RORA: variants seen among roughly 807,000 people sequenced by gnomAD.
RORA encodes RAR related orphan receptor A.
In RORA, 7 loss-of-function variants were observed where a neutral mutation model predicts 69.5. The observed-to-expected ratio is 0.10, with a 90% CI of 0.06 to 0.19. The LOEUF is 0.19. Among genes scored for constraint, RORA ranks in the 10% least tolerant of loss-of-function variants. RORA has a pLI of 1.00. For missense variants in RORA, 457 were observed against 663.0 expected (o/e 0.69, Z 3.41); for synonymous variants, 261 against 240.8 (o/e 1.08, Z -0.78).
At chr15:61,014,639 A>C (rs2140400959) in intron 1 of RORA, among the ~76,000 whole-genome samples, 1 of 152,354 alleles carries the variant, frequency 6.6e-6, no homozygotes, top group East Asian at 1.9e-4. Flanking sequence ...TAGCTGTCTA[A>C]GGCAAAATTA....
intron 1 of RORA, among the ~76,000 whole-genome samples, chr15:60,936,611 A>G (rs1041449678): frequency 5.3e-5 from 8 of 152,324 alleles, no homozygotes; most frequent in Admixed American, 4.6e-4. Flanking sequence ...CCTGAGAGCA[A>G]CTGTGTGCAG....
At chr15:60,870,256 T>C (rs2073540139) in intron 1 of RORA, among the ~76,000 whole-genome samples, 1 of 152,162 alleles carries the variant, frequency 6.6e-6, no homozygotes. Context: ...TAAATAAAGG[T>C]AAATTAAACA....
chr15:61,205,668 A>T (rs535736850), intron 1 of RORA, among the ~76,000 whole-genome samples: 67 of 152,344 alleles, frequency 4.4e-4, no homozygotes, highest in African/African-American at 1.5e-3. Context: ...AGGAACAGCC[A>T]GAGGGCAAGA....
chr15:60,987,871 T>C (rs1052111277), intron 1 of RORA, among the ~76,000 whole-genome samples: 4 of 152,222 alleles, frequency 2.6e-5, no homozygotes, highest in Non-Finnish European at 5.9e-5. Flanking sequence ...AGCTAGCAAC[T>C]GGCACTCTGA....
chr15:61,013,182 T>C (rs1895145832), intron 1 of RORA, among the ~76,000 whole-genome samples: 1 of 152,234 alleles, frequency 6.6e-6, no homozygotes, highest in South Asian at 2.1e-4. Flanking sequence ...TTTTCTCATC[T>C]GAATAATGGA....
chr15:61,099,614 A>G (rs954658197), intron 1 of RORA, among the ~76,000 whole-genome samples: 3 of 152,186 alleles, frequency 2.0e-5, no homozygotes, highest in Non-Finnish European at 4.4e-5. Context: ...AACACACGCA[A>G]CGCATACCTC....
chr15:61,216,496 ATTT>A (rs3835089), intron 1 of RORA, among the ~76,000 whole-genome samples: 3 of 151,950 alleles, frequency 2.0e-5, no homozygotes, highest in African/African-American at 7.2e-5. Flanking sequence ...CTCCGATGTG[ATTT>A]TTTTTTTTGG....
chr15:61,180,143 CAAA>C (rs71456351), intron 1 of RORA, among the ~76,000 whole-genome samples: 5 of 36,682 alleles, frequency 1.4e-4, no homozygotes, highest in Non-Finnish European at 2.1e-4. Flanking sequence ...GACTCCATCT[CAAA>C]AAAAAAAAAA....
At chr15:61,094,472 G>A (rs2078759971) in intron 1 of RORA, among the ~76,000 whole-genome samples, 1 of 152,160 alleles carries the variant, frequency 6.6e-6, no homozygotes, top group Non-Finnish European at 1.5e-5. Context: ...GCTCAGCCCT[G>A]CTCCAGCCGT....
At chr15:60,708,879 G>A (rs1305727864) in intron 1 of RORA, among the ~76,000 whole-genome samples, 1 of 152,192 alleles carries the variant, frequency 6.6e-6, no homozygotes, top group Non-Finnish European at 1.5e-5. Flanking sequence ...AACAAATACT[G>A]ATGATAAGGT....
chr15:60,837,880 T>C (rs2073139242), intron 1 of RORA, among the ~76,000 whole-genome samples: 1 of 152,174 alleles, frequency 6.6e-6, no homozygotes. Context: ...GCATTTGGCA[T>C]GTGAAGGTAC....
At chr15:60,736,327 T>G (rs78444238) in intron 1 of RORA, among the ~76,000 whole-genome samples, 3,293 of 152,240 alleles carry the variant, frequency 0.022, 137 homozygotes, top group African/African-American at 0.076. Flanking sequence ...TCAGAGTTAT[T>G]AAGGAAAATA....
intron 1 of RORA, among the ~76,000 whole-genome samples, chr15:60,733,954 G>GAGAA (rs2071465441): frequency 6.9e-6 from 1 of 143,958 alleles, no homozygotes; most frequent in Non-Finnish European, 1.5e-5. Context: ...GAGAGAGAGA[G>GAGAA]AAAGAGAAAG....
At chr15:61,172,722 C>T (rs2079596386) in intron 1 of RORA, among the ~76,000 whole-genome samples, 1 of 152,144 alleles carries the variant, frequency 6.6e-6, no homozygotes, top group African/African-American at 2.4e-5. Flanking sequence ...TTTGATTCTT[C>T]TCCTGGAAAG....
chr15:61,077,359 G>A (rs1762228807), intron 1 of RORA, among the ~76,000 whole-genome samples: 1 of 152,144 alleles, frequency 6.6e-6, no homozygotes, highest in African/African-American at 2.4e-5. Context: ...TAGGGGAACT[G>A]AAGAATTGTG....
intron 1 of RORA, among the ~76,000 whole-genome samples, chr15:60,886,002 T>G (rs2140452605): frequency 6.6e-6 from 1 of 152,350 alleles, no homozygotes; most frequent in South Asian, 2.1e-4. Context: ...TCACTCTGAC[T>G]TTTCCTAGGG....
chr15:61,112,296 G>A (rs963513346), intron 1 of RORA, among the ~76,000 whole-genome samples: 4 of 152,132 alleles, frequency 2.6e-5, no homozygotes, highest in Admixed American at 2.6e-4. Context: ...GGACTGGGGG[G>A]CATGGGGCCA....
chr15:60,547,902 C>G (rs560688138), intron 2 of RORA: 2 of 152,228 alleles, frequency 1.3e-5, no homozygotes, highest in African/African-American at 4.8e-5. Context: ...AGTATACCTC[C>G]TAGTACGTTT....
At chr15:60,519,840 A>C (rs572375705) in intron 3 of RORA, 8 of 152,322 alleles carry the variant, frequency 5.3e-5, no homozygotes, top group African/African-American at 1.9e-4. Flanking sequence ...ACAAACAAAC[A>C]AACAAACAAA....
Sources: allele counts gnomAD v4.1 joint callset (sites outside exome capture counted in the v4.1 genomes callset), GRCh38; gene constraint gnomAD v4.1.1; transcripts MANE v1.5; gene names NCBI Gene and HGNC (gene_info 2026-07-23, HGNC 2026-07-21).